SLIT1: variants seen among roughly 807,000 people sequenced by gnomAD.
SLIT1 encodes the protein slit guidance ligand 1.
A neutral mutation model predicts 186.1 loss-of-function variants in SLIT1; 66 were observed. The observed-to-expected ratio is 0.35, with a 90% CI of 0.29 to 0.44. The LOEUF (loss-of-function observed/expected upper bound fraction) is 0.44, where lower values mean the gene tolerates loss of function less well. SLIT1 is among the 20% of genes least tolerant of loss of function. SLIT1 has a pLI of 1.00. For synonymous variants in SLIT1, 761 were observed against 833.8 expected (o/e 0.91, Z 1.50); for missense variants, 1,638 against 2,037.4 (o/e 0.80, Z 3.77).
At chr10:97,063,035 G>C (rs964959821) in intron 8 of SLIT1, among the ~76,000 whole-genome samples, 20 of 152,318 alleles carry the variant, frequency 1.3e-4, no homozygotes, top group Admixed American at 7.8e-4. Context: ...GATGGAAAAG[G>C]GGGTGATAGC....
intron 25 of SLIT1, among the ~76,000 whole-genome samples, chr10:97,025,125 T>C (rs1848533573): frequency 6.6e-6 from 1 of 151,898 alleles, no homozygotes; most frequent in Non-Finnish European, 1.5e-5. Flanking sequence ...CAAAAATTAG[T>C]TGGGCATGGT....
chr10:97,107,503 A>G (rs1235021585), intron 4 of SLIT1, among the ~76,000 whole-genome samples: 1 of 152,166 alleles, frequency 6.6e-6, no homozygotes, highest in African/African-American at 2.4e-5. Flanking sequence ...ATTCCCCTTG[A>G]CACTGGAGCC....
chr10:97,158,673 A>AG (rs1554854198), intron 3 of SLIT1, among the ~76,000 whole-genome samples: 111 of 150,976 alleles, frequency 7.4e-4, no homozygotes, highest in African/African-American at 1.9e-3. Flanking sequence ...AAAAAAAAAA[A>AG]AAAGAAAGAA....
intron 26 of SLIT1, 29 bp from the exon 27 acceptor site, chr10:97,019,136 G>A: frequency 7.1e-7 from 1 of 1,398,686 alleles, no homozygotes; most frequent in Non-Finnish European, 1.0e-6. Context: ...GCTAGTGCAG[G>A]GGGAGGGGTG....
chr10:97,035,494 C>A (rs1389308507), intron 22 of SLIT1, among the ~76,000 whole-genome samples: 2 of 152,214 alleles, frequency 1.3e-5, no homozygotes, highest in South Asian at 4.1e-4. Context: ...TCTGATCCGC[C>A]CCTGGCTGGT....
intron 4 of SLIT1, among the ~76,000 whole-genome samples, chr10:97,108,696 T>C (rs1849436542): frequency 6.6e-6 from 1 of 152,120 alleles, no homozygotes. Flanking sequence ...AAGACCATCC[T>C]GGCCAACATG....
intron 20 of SLIT1, among the ~76,000 whole-genome samples, chr10:97,042,369 A>G (rs1375547658): frequency 2.0e-5 from 3 of 152,190 alleles, no homozygotes; most frequent in Non-Finnish European, 4.4e-5. Flanking sequence ...TGCTTCCTAC[A>G]GTGACCTTCC....
intron 36 of SLIT1, 91 bp downstream of exon 36, chr10:97,002,066 GA>G (rs1452890457): frequency 3.6e-6 from 3 of 836,956 alleles, no homozygotes; most frequent in Non-Finnish European, 5.4e-6. Context: ...GGAAGGGACA[GA>G]AGGGCTGCCG....
chr10:97,052,402 T>C (rs986909217), intron 13 of SLIT1, among the ~76,000 whole-genome samples: 3 of 152,198 alleles, frequency 2.0e-5, no homozygotes, highest in African/African-American at 4.8e-5. Flanking sequence ...ACCTGGCCTG[T>C]ATGATTCCAT....
At position 97,064,206 on chromosome 10, in the gene SLIT1, G is replaced by T. The variant is rs116469159; in HGVS notation, c.591C>A (p.Pro197=). 3.2e-3 allele frequency: 5,211 copies of T among 1,613,842 alleles called. 165 individuals are homozygous for T. In the African/African-American group the frequency reaches 0.062, roughly 19 times the overall value. Reference sequence around the variant, plus strand: ...TGGGCATATGGTTGAAGCTGGACACGGGGATGGTGGTGATATTGTTGTTGT... The same window carrying T: ...TGGGCATATGGTTGAAGCTGGACACTGGGATGGTGGTGATATTGTTGTTGT... The part of the protein sequence containing the change: ...TLNNNNITTI[P]VSSFNHMPKL... The change falls in exon 7 of 37, where the codon CCC becomes CCA. Residue 197 remains proline, a synonymous_variant. Transcript: ENST00000266058.
In SLIT1 at chr10:97,108,886, CAAAAAAAAAAA is replaced by C. The variant is rs11355026; in HGVS notation, c.414-42811_414-42801del. 8.6e-3 allele frequency among the ~76,000 whole-genome samples: 401 copies of C among 46,738 alleles called. 2 individuals carry two copies. The highest frequency in any genetic ancestry group is 0.035 in the African/African-American group (378 of 10,866). The allele number at this position is 46,738 out of a possible 152,430, so 30.7% of individuals were successfully genotyped here. A position where few individuals can be genotyped will look rare whatever the true frequency, so the allele number is the denominator to read the frequency against. On this transcript the variant is annotated intron_variant, in intron 4 of 36. Coordinates refer to ENST00000266058, the MANE Select transcript of SLIT1 (RefSeq NM_003061.3). Reference sequence around the variant, plus strand: ...CTGGTGACAGAGTGAGTCTCAGTCTCAAAAAAAAAAAAAAAAAAAAAAAAAAAAAAAGCCAC... The same window carrying C: ...CTGGTGACAGAGTGAGTCTCAGTCTCAAAAAAAAAAAAAAAAAAAAGCCAC...
chr10:97,108,496 C>T (rs1849434920), intron 4 of SLIT1, among the ~76,000 whole-genome samples: 1 of 152,148 alleles, frequency 6.6e-6, no homozygotes, highest in African/African-American at 2.4e-5. Context: ...GTCTGCAGTG[C>T]CCCCAGCACA....
chr10:97,123,289 G>A (rs936348686), intron 4 of SLIT1, among the ~76,000 whole-genome samples: 5 of 152,110 alleles, frequency 3.3e-5, no homozygotes, highest in Admixed American at 2.0e-4. Context: ...TTATCAGCAC[G>A]CCACAGTTTT....
Position 97,004,189 on chromosome 10 carries a change from G to A in SLIT1, c.3744C>T (p.Thr1248=), listed in dbSNP as rs752414499. ...TCTGGTCAAAGGCAACCAGCTCAAC[G>A]GTGTGGAATTGCCCATCGTTGATCG... The part of the protein sequence containing the change: ...AETINDGQFH[T]VELVAFDQMV... Residue 1248 remains threonine, a synonymous_variant, in exon 34 of 37, where the codon ACC becomes ACT. Transcript: ENST00000266058. The surrounding 1 kb of genome is among the most constrained non-coding windows in gnomAD (Gnocchi z 5.1). The A allele has an allele frequency of 2.7e-5, 43 of 1,612,506 alleles. No individual in the cohort carries two copies. The highest frequency in any genetic ancestry group is 3.2e-5 in the Non-Finnish European group (38 of 1,178,728).
rs36000443 is a variant in SLIT1, at chr10:97,184,018, CCACACACACACACACACA to C, written c.197+1442_197+1459del. On this transcript the variant is annotated intron_variant, in intron 1 of 36. Coordinates refer to ENST00000266058, the MANE Select transcript of SLIT1 (RefSeq NM_003061.3). This position sits in a 1 kb window ranked among gnomAD's most constrained non-coding sequence, Gnocchi z 4.4. ...ATTCACACACACACATACACATGCACCACACACACACACACACACACACACACACACACACACACACTT... is the reference window on the plus strand; with the variant it reads ...ATTCACACACACACATACACATGCACCACACACACACACACACACACACTT... 7.0e-6 allele frequency among the ~76,000 whole-genome samples: 1 copy of C among 142,476 alleles called. No homozygotes were observed. The highest frequency in any genetic ancestry group is 7.0e-5 in the Admixed American group (1 of 14,374). 93.5% of individuals were successfully genotyped at this position (142,476 alleles called of 152,430 possible).
chr10:97,077,071 T>C (rs975710734), intron 4 of SLIT1, among the ~76,000 whole-genome samples: 2 of 152,204 alleles, frequency 1.3e-5, no homozygotes, highest in East Asian at 1.9e-4. Context: ...GAGATCATCA[T>C]GGGCAACATA....
intron 4 of SLIT1, among the ~76,000 whole-genome samples, chr10:97,129,880 C>G (rs1223646001): frequency 6.6e-6 from 1 of 152,170 alleles, no homozygotes; most frequent in African/African-American, 2.4e-5. Context: ...CACTCAGCCC[C>G]CTTCCTGCCC....
At chr10:97,136,596 A>C (rs1238087733) in intron 4 of SLIT1, among the ~76,000 whole-genome samples, 1 of 152,190 alleles carries the variant, frequency 6.6e-6, no homozygotes, top group Admixed American at 6.5e-5. Context: ...CCTTACACGA[A>C]AATAAAAAAC....
intron 31 of SLIT1, among the ~76,000 whole-genome samples, chr10:97,009,566 G>A (rs1318243679): frequency 6.6e-6 from 1 of 152,010 alleles, no homozygotes; most frequent in Non-Finnish European, 1.5e-5. Flanking sequence ...TCATAACCTT[G>A]GATTAGGCAA....
Sources: gnomAD v4.1 joint callset for allele counts (sites outside exome capture counted in the v4.1 genomes callset) on GRCh38, gnomAD v4.1.1 for gene constraint, Gnocchi (gnomAD v3.1) non-coding constraint, MANE v1.5 for transcripts, NCBI Gene and HGNC (gene_info 2026-07-23, HGNC 2026-07-21) for gene names.